Variants in PTBP2 observed in about 807,000 individuals in gnomAD.
PTBP2 encodes the protein polypyrimidine tract binding protein 2, also known as polypyrimidine tract-binding protein 2.
Under a neutral mutation model 61.4 loss-of-function variants are expected in PTBP2, and 13 were observed. The ratio of observed to expected loss-of-function variants is 0.21; its 90% confidence interval spans 0.14 to 0.34. The LOEUF (loss-of-function observed/expected upper bound fraction) is 0.34, where lower values mean the gene tolerates loss of function less well. Among genes scored for constraint, PTBP2 ranks in the 10% least tolerant of loss-of-function variants. The pLI, the probability that PTBP2 is intolerant of heterozygous loss-of-function variation, is 1.00. For synonymous variants in PTBP2, 215 were observed against 218.5 expected, an observed-to-expected ratio of 0.98 and a Z score of 0.14; for missense variants, 405 against 642.6, an observed-to-expected ratio of 0.63 and a Z score of 4.00.
At chr1:96,734,379 C>G (rs984914273) in intron 2 of PTBP2, among the ~76,000 whole-genome samples, 3 of 151,982 alleles carry the variant, frequency 2.0e-5, no homozygotes, top group Non-Finnish European at 4.4e-5. Context: ...TTAGGACACA[C>G]ACACAAAGTT....
chr1:96,747,838 TCTC>T (rs894261050), intron 2 of PTBP2, among the ~76,000 whole-genome samples: 1 of 152,106 alleles, frequency 6.6e-6, no homozygotes, highest in Non-Finnish European at 1.5e-5. Flanking sequence ...ATTGTGCTCT[TCTC>T]CTTGTTTAAA....
intron 2 of PTBP2, among the ~76,000 whole-genome samples, chr1:96,741,063 A>G (rs753381205): frequency 4.6e-5 from 7 of 151,830 alleles, no homozygotes; most frequent in Middle Eastern, 3.4e-3. Context: ...TCTTGTTTCT[A>G]TACATTCTTT....
intron 11 of PTBP2, 36 bp downstream of exon 11, chr1:96,806,994 C>G: frequency 6.8e-7 from 1 of 1,469,458 alleles, no homozygotes; most frequent in Non-Finnish European, 9.4e-7. Flanking sequence ...TACATCTTCA[C>G]TTCTGCTTTC....
chr1:96,792,672 A>G (rs1343815075), intron 8 of PTBP2, among the ~76,000 whole-genome samples: 1 of 152,150 alleles, frequency 6.6e-6, no homozygotes, highest in East Asian at 1.9e-4. Flanking sequence ...TGATTAAAAT[A>G]CCAAAAATGT....
chr1:96,761,365 T>A (rs1165463413), intron 3 of PTBP2, among the ~76,000 whole-genome samples: 2 of 151,414 alleles, frequency 1.3e-5, no homozygotes, highest in African/African-American at 4.9e-5. Context: ...TGTGTGTGTG[T>A]GTGTGTGTGT....
intron 3 of PTBP2, among the ~76,000 whole-genome samples, chr1:96,763,986 A>C (rs989940699): frequency 6.6e-6 from 1 of 152,238 alleles, no homozygotes; most frequent in Non-Finnish European, 1.5e-5. Flanking sequence ...AGACAATGTT[A>C]CAAGGACACT....
intron 3 of PTBP2, among the ~76,000 whole-genome samples, chr1:96,757,544 C>T (rs1049712079): frequency 1.1e-4 from 17 of 152,106 alleles, no homozygotes; most frequent in Admixed American, 3.3e-4. Context: ...TAGTACAGTC[C>T]TAGCCCCCAA....
At chr1:96,755,195 G>T (rs1365956561) in intron 3 of PTBP2, among the ~76,000 whole-genome samples, 1 of 152,116 alleles carries the variant, frequency 6.6e-6, no homozygotes, top group Non-Finnish European at 1.5e-5. Context: ...ATTTGAACAG[G>T]TAGTACAGCA....
chr1:96,768,923 A>T (rs1657059354), intron 3 of PTBP2, among the ~76,000 whole-genome samples: 1 of 151,972 alleles, frequency 6.6e-6, no homozygotes, highest in Non-Finnish European at 1.5e-5. Context: ...CTTCAAGTAC[A>T]TTTTTCAAAT....
At chr1:96,760,805 T>C (rs1043655126) in intron 3 of PTBP2, among the ~76,000 whole-genome samples, 1 of 152,214 alleles carries the variant, frequency 6.6e-6, no homozygotes, top group Non-Finnish European at 1.5e-5. Flanking sequence ...TAACTTCTAC[T>C]TTTAGTTTTT....
intron 9 of PTBP2, among the ~76,000 whole-genome samples, chr1:96,805,257 T>C (rs1189215886): frequency 6.6e-6 from 1 of 152,204 alleles, no homozygotes; most frequent in East Asian, 1.9e-4. Flanking sequence ...TGTGATCTAA[T>C]TTGCAAATTT....
intron 8 of PTBP2, among the ~76,000 whole-genome samples, chr1:96,802,900 C>A (rs960659399): frequency 6.6e-6 from 1 of 152,142 alleles, no homozygotes; most frequent in Non-Finnish European, 1.5e-5. Flanking sequence ...TCTGTGCATT[C>A]AGTCAGAGCT....
chr1:96,725,394 G>C (rs1217148683), intron 2 of PTBP2, among the ~76,000 whole-genome samples: 1 of 151,500 alleles, frequency 6.6e-6, no homozygotes, highest in African/African-American at 2.4e-5. Flanking sequence ...CCGCCTTCCG[G>C]GTTCACTCCA....
chr1:96,788,525 A>G (rs1659448570), intron 8 of PTBP2, among the ~76,000 whole-genome samples: 2 of 152,018 alleles, frequency 1.3e-5, no homozygotes. Flanking sequence ...TTTTCTTCTA[A>G]TTATTTAATC....
At chr1:96,795,335 G>A (rs1051775681) in intron 8 of PTBP2, among the ~76,000 whole-genome samples, 4 of 152,130 alleles carry the variant, frequency 2.6e-5, no homozygotes, top group African/African-American at 9.7e-5. Context: ...AAAATTATAT[G>A]TAAAAGTAAT....
chr1:96,815,640 A>G (rs956716386), downstream of PTBP2: 1 of 152,194 alleles, frequency 6.6e-6, no homozygotes, highest in Non-Finnish European at 1.5e-5. Context: ...AAACTTACAC[A>G]TAGGATAATA....
chr1:96,737,507 A>T (rs1469871766), intron 2 of PTBP2, among the ~76,000 whole-genome samples: 1 of 152,160 alleles, frequency 6.6e-6, no homozygotes, highest in East Asian at 1.9e-4. Context: ...GTGAGCTTAT[A>T]TGTTAATAGC....
chr1:96,775,382 A>C (rs1657915905), intron 5 of PTBP2, among the ~76,000 whole-genome samples: 1 of 152,192 alleles, frequency 6.6e-6, no homozygotes, highest in Admixed American at 6.5e-5. Flanking sequence ...AAAACTATAA[A>C]TCATCCAAAT....
At chr1:96,799,966 T>G (rs956106671) in intron 8 of PTBP2, among the ~76,000 whole-genome samples, 3 of 152,242 alleles carry the variant, frequency 2.0e-5, no homozygotes, top group African/African-American at 7.2e-5. Context: ...AATCTTAGAC[T>G]ACTCCAGTGA....
Sources: allele counts gnomAD v4.1 joint callset (sites outside exome capture counted in the v4.1 genomes callset), GRCh38; gene constraint gnomAD v4.1.1; transcripts MANE v1.5; gene names NCBI Gene and HGNC (gene_info 2026-07-23, HGNC 2026-07-21).